Variants in RIMS2 observed in about 807,000 individuals in gnomAD.
RIMS2 encodes regulating synaptic membrane exocytosis 2.
RIMS2 carries 59 observed loss-of-function variants against 174.4 expected under a neutral mutation model. That is an observed-to-expected ratio of 0.34 (90% CI 0.27 to 0.42). The LOEUF (loss-of-function observed/expected upper bound fraction) is 0.42. Ranked by LOEUF, RIMS2 falls within the 10% of genes least tolerant of loss-of-function variation. The pLI, the probability that RIMS2 is intolerant of heterozygous loss-of-function variation, is 1.00. For synonymous variants in RIMS2, 606 were observed against 572.5 expected (o/e 1.06, Z -0.84); for missense variants, 1,620 against 1,666.3 (o/e 0.97, Z 0.48).
chr8:103,537,861 A>T (rs985962366), intron 1 of RIMS2, among the ~76,000 whole-genome samples: 1 of 152,122 alleles, frequency 6.6e-6, no homozygotes, highest in African/African-American at 2.4e-5. Flanking sequence ...TTTTTCTGCC[A>T]AATGAGAATG....
chr8:103,607,880 G>A (rs943651199), intron 1 of RIMS2, among the ~76,000 whole-genome samples: 1 of 134,524 alleles, frequency 7.4e-6, no homozygotes, highest in South Asian at 2.3e-4. Flanking sequence ...CTCTGTATTG[G>A]TTATTCTAGT....
chr8:104,184,820 C>T (rs1212907475), intron 19 of RIMS2, among the ~76,000 whole-genome samples: 1 of 151,478 alleles, frequency 6.6e-6, no homozygotes, highest in South Asian at 2.1e-4. Context: ...AGTCAATTGA[C>T]ACTCATCTGC....
intron 1 of RIMS2, among the ~76,000 whole-genome samples, chr8:103,535,509 G>A (rs1839345944): frequency 6.6e-6 from 1 of 152,170 alleles, no homozygotes; most frequent in African/African-American, 2.4e-5. Flanking sequence ...ATTACAGCTA[G>A]AAGAACTGAT....
At chr8:103,556,000 A>G (rs1311909149) in intron 1 of RIMS2, among the ~76,000 whole-genome samples, 1 of 152,108 alleles carries the variant, frequency 6.6e-6, no homozygotes, top group Non-Finnish European at 1.5e-5. Flanking sequence ...GAATTCATAG[A>G]AAGAGAGAGT....
chr8:103,689,084 C>G (rs1024431339), intron 1 of RIMS2, among the ~76,000 whole-genome samples: 7 of 151,788 alleles, frequency 4.6e-5, no homozygotes, highest in Non-Finnish European at 7.4e-5. Context: ...ATTTTTTTAA[C>G]TTGCATTTTA....
intron 2 of RIMS2, among the ~76,000 whole-genome samples, chr8:103,725,529 C>T (rs1442888543): frequency 6.6e-6 from 1 of 152,126 alleles, no homozygotes; most frequent in African/African-American, 2.4e-5. Context: ...GAGATTCATC[C>T]ATGATGTTGC....
chr8:103,778,145 AATAC>A (rs2098339264), intron 3 of RIMS2, among the ~76,000 whole-genome samples: 1 of 152,088 alleles, frequency 6.6e-6, no homozygotes, highest in Admixed American at 6.5e-5. Context: ...ATTGATGTAT[AATAC>A]ATATACATAT....
intron 4 of RIMS2, among the ~76,000 whole-genome samples, chr8:103,894,555 T>C (rs1027495638): frequency 1.3e-5 from 2 of 151,586 alleles, no homozygotes; most frequent in Non-Finnish European, 2.9e-5. Context: ...TATCAGTGTT[T>C]GGCAGTACCT....
At chr8:103,963,259 G>T (rs571448911) in intron 15 of RIMS2, among the ~76,000 whole-genome samples, 3 of 152,046 alleles carry the variant, frequency 2.0e-5, no homozygotes, top group African/African-American at 7.2e-5. Context: ...TACAAAATGC[G>T]CACCCCTACC....
intron 1 of RIMS2, among the ~76,000 whole-genome samples, chr8:103,558,068 AT>A (rs933258956): frequency 2.3e-4 from 35 of 152,064 alleles, no homozygotes; most frequent in African/African-American, 8.2e-4. Context: ...TTTTTATTTT[AT>A]TTTTTTAACA....
rs374128708 is a variant in RIMS2 at position 103,807,766 on chromosome 8, G to A, written c.698+41229G>A. Among the ~76,000 whole-genome samples the A allele has an allele frequency of 1.6e-4, 24 of 152,098 alleles. 1 individual carries two copies. The highest frequency in any genetic ancestry group is 5.8e-4 in the African/African-American group (24 of 41,526). On this transcript the variant is annotated intron_variant, in intron 3 of 23. Transcript: ENST00000504942. ...ATGGAAAATTGATAGAATAGATCTTGTTTATATTATATTTTCCTTTCTTTT... is the reference window on the plus strand; with the variant it reads ...ATGGAAAATTGATAGAATAGATCTTATTTATATTATATTTTCCTTTCTTTT...
intron 19 of RIMS2, among the ~76,000 whole-genome samples, chr8:104,183,601 T>C (rs184843528): frequency 4.7e-4 from 70 of 150,344 alleles, no homozygotes; most frequent in Middle Eastern, 3.4e-3. Context: ...AAACTTTGAC[T>C]TTTTTTAGAG....
chr8:103,990,229 C>T (rs2094596702), intron 17 of RIMS2, among the ~76,000 whole-genome samples: 1 of 151,940 alleles, frequency 6.6e-6, no homozygotes, highest in Non-Finnish European at 1.5e-5. Flanking sequence ...TTTAAATAAG[C>T]TGATATGAGA....
intron 19 of RIMS2, among the ~76,000 whole-genome samples, chr8:104,214,179 T>C (rs1051315829): frequency 1.3e-5 from 2 of 152,188 alleles, no homozygotes; most frequent in Non-Finnish European, 2.9e-5. Context: ...TTAGAATACA[T>C]ACTGATTTGC....
chr8:103,818,992 G>A (rs974597443), intron 3 of RIMS2, among the ~76,000 whole-genome samples: 3 of 152,042 alleles, frequency 2.0e-5, no homozygotes, highest in African/African-American at 7.2e-5. Context: ...TGCTGTTGCT[G>A]GAGTTGTTTT....
intron 2 of RIMS2, among the ~76,000 whole-genome samples, chr8:103,726,010 T>C (rs989389644): frequency 2.0e-5 from 3 of 152,218 alleles, no homozygotes; most frequent in Non-Finnish European, 4.4e-5. Context: ...TTGGGTTGTT[T>C]GTCTTTTTAT....
At chr8:103,740,873 TC>T (rs2139329964) in intron 2 of RIMS2, among the ~76,000 whole-genome samples, 1 of 152,222 alleles carries the variant, frequency 6.6e-6, no homozygotes, top group South Asian at 2.1e-4. Context: ...AAGTTTTCTT[TC>T]CTTGTTTTTT....
chr8:103,984,219 A>G (rs566462123), intron 16 of RIMS2, among the ~76,000 whole-genome samples: 1 of 152,244 alleles, frequency 6.6e-6, no homozygotes, highest in Non-Finnish European at 1.5e-5. Flanking sequence ...GATCATATCA[A>G]GTTAAAAAGC....
chr8:103,733,301 T>A (rs1329645434), intron 2 of RIMS2, among the ~76,000 whole-genome samples: 1 of 152,044 alleles, frequency 6.6e-6, no homozygotes, highest in Non-Finnish European at 1.5e-5. Context: ...GGTATCCATG[T>A]TGCAAGACAA....
Sources: allele counts gnomAD v4.1 joint callset (sites outside exome capture counted in the v4.1 genomes callset), GRCh38; gene constraint gnomAD v4.1.1; transcripts MANE v1.5; gene names NCBI Gene and HGNC (gene_info 2026-07-23, HGNC 2026-07-21).